Variants in PPP1R2 observed in about 807,000 individuals in gnomAD.
PPP1R2 encodes protein phosphatase 1 regulatory inhibitor subunit 2.
PPP1R2 carries 16 observed loss-of-function variants against 29.9 expected under a neutral mutation model. That is an observed-to-expected ratio of 0.53 (90% CI 0.36 to 0.81). PPP1R2 has a LOEUF of 0.81. PPP1R2 is among the 30% of genes least tolerant of loss of function. PPP1R2 has a pLI of 0.00. For missense variants in PPP1R2, 197 were observed against 252.7 expected (o/e 0.78, Z 1.49); for synonymous variants, 76 against 91.5 (o/e 0.83, Z 0.96).
intron 2 of PPP1R2, chr3:195,529,445 GACTGAGT>G (rs1363094415): frequency 5.8e-6 from 1 of 171,936 alleles, no homozygotes; most frequent in Non-Finnish European, 1.2e-5. Flanking sequence ...TCTGCAAAGA[GACTGAGT>G]AAACCCCAGA....
At chr3:195,530,436 T>A (rs1312588167) in intron 1 of PPP1R2, among the ~76,000 whole-genome samples, 2 of 152,234 alleles carry the variant, frequency 1.3e-5, no homozygotes, top group East Asian at 3.8e-4. Flanking sequence ...CAGCTCTGTT[T>A]ATTTCTAATC....
chr3:195,543,280 G>A lies in PPP1R2; in HGVS notation c.-255C>T. On this transcript the variant is annotated 5_prime_UTR_variant, in exon 1 of 6. Transcript: ENST00000618156. ...GCACTTGACCCGCGGCTCGCGGAGA[G>A]ACGCCGGCCTAGAGCTCCAGCGCAG... 3 of 374,440 alleles carry A rather than the reference G, an allele frequency of 8.0e-6. No individual in the cohort carries two copies. The highest frequency in any genetic ancestry group is 1.4e-5 in the Non-Finnish European group (3 of 209,946). 23.2% of individuals were successfully genotyped at this position (374,440 alleles called of 1,614,324 possible).
chr3:195,534,769 C>T (rs1719313873), intron 1 of PPP1R2, among the ~76,000 whole-genome samples: 1 of 152,206 alleles, frequency 6.6e-6, no homozygotes, highest in Non-Finnish European at 1.5e-5. Flanking sequence ...TCATAGCTCA[C>T]TGCAGCCTCG....
At position 195,515,458 on chromosome 3, in the gene PPP1R2, A is replaced by G. The variant is rs1311745819; in HGVS notation, c.*1438T>C. The stretch of plus-strand genomic sequence containing the variant: ...GACGTTATTTTAGAAGTCTGTTCAT[A>G]TAACAGATTATTTTGGTACTAACAA... On this transcript the variant is annotated 3_prime_UTR_variant, in exon 6 of 6. Transcript: ENST00000618156. 6.6e-6 allele frequency: 1 copy of G among 152,624 alleles called. No homozygotes were observed. Among genetic ancestry groups the G allele is most frequent in the Admixed American group, 6.5e-5 (1 of 15,272 alleles). The allele number at this position is 152,624 out of a possible 1,614,324, so 9.5% of individuals were successfully genotyped here.
rs73890862 is a variant in PPP1R2, at chr3:195,541,315, C to T, written c.122+1589G>A. Among the ~76,000 whole-genome samples, 378 of 152,180 alleles carry T rather than the reference C, an allele frequency of 2.5e-3. 2 individuals are homozygous for T. The highest frequency in any genetic ancestry group is 8.9e-3 in the African/African-American group (368 of 41,490). ...AGAGTAACTCACTTGGTAAATGGAC[C>T]AAAAGAAACTCACACTGGAGAACAG... On this transcript the variant is annotated intron_variant, in intron 1 of 5. Transcript: ENST00000618156.
chr3:195,519,909 C>T (rs1273286015), intron 4 of PPP1R2, among the ~76,000 whole-genome samples: 3 of 86,584 alleles, frequency 3.5e-5, no homozygotes, highest in African/African-American at 1.5e-4. Flanking sequence ...TTCCTTAGAT[C>T]AGAAAATTAA....
chr3:195,529,823 T>C lies in PPP1R2; in HGVS notation c.201A>G (p.Lys67=), dbSNP rs1398455801. The C allele has an allele frequency of 3.7e-6, 6 of 1,608,592 alleles. No individual in the cohort carries two copies. The highest frequency in any genetic ancestry group is 5.1e-6 in the Non-Finnish European group (6 of 1,178,394). The part of the protein sequence containing the change: ...HPADKDYGLM[K]IDEPSTPYHS... The stretch of plus-strand genomic sequence containing the variant: ...GGTAAGGAGTGCTTGGTTCATCTAT[T>C]TTCATTAAACCATAGTCTTTGTCTG... The change falls in exon 2 of 6, where the codon AAA becomes AAG. Residue 67 remains lysine (K), a synonymous_variant. Transcript: ENST00000618156.
At position 195,542,783 on chromosome 3, in the gene PPP1R2, GGAGAA is replaced by G. The variant is rs1212658322; in HGVS notation, c.122+116_122+120del. The G allele has an allele frequency of 7.6e-5, 94 of 1,239,300 alleles. No homozygotes were observed. In the East Asian group the frequency reaches 2.7e-3, roughly 36 times the overall value. The allele number at this position is 1,239,300 out of a possible 1,614,324, so 76.8% of individuals were successfully genotyped here. On this transcript the variant is annotated intron_variant, in intron 1 of 5. Transcript: ENST00000618156. ...GCTCCCACCCGCGGCTAGCCGGGCA[GGAGAA>G]GAGACTCGAGCGGCACCCGAGCCGC...
chr3:195,531,976 G>A (rs1719196013), intron 1 of PPP1R2, among the ~76,000 whole-genome samples: 1 of 152,140 alleles, frequency 6.6e-6, no homozygotes, highest in African/African-American at 2.4e-5. Context: ...TTTGTGACTG[G>A]CGTATCTCAC....
chr3:195,523,843 G>T (rs553846340), intron 3 of PPP1R2, 57 bp from the exon 4 acceptor site: 8 of 1,398,932 alleles, frequency 5.7e-6, no homozygotes, highest in Admixed American at 5.4e-5. Flanking sequence ...TTATTTAAGC[G>T]CCTTATTCAA....
At chr3:195,529,643 C>G (rs1193906956) in intron 2 of PPP1R2, 151 bp downstream of exon 2, 1 of 540,802 alleles carries the variant, frequency 1.8e-6, no homozygotes, top group East Asian at 3.1e-5. Flanking sequence ...TAAACCATTA[C>G]TAAACAAATT....
chr3:195,527,320 G>A (rs1347502503), intron 2 of PPP1R2, among the ~76,000 whole-genome samples: 1 of 151,766 alleles, frequency 6.6e-6, no homozygotes, highest in African/African-American at 2.4e-5. Context: ...CGTGGTAGTG[G>A]GTGCCTGTAA....
chr3:195,521,400 CATA>C (rs1187159947), intron 4 of PPP1R2, among the ~76,000 whole-genome samples: 1 of 150,828 alleles, frequency 6.6e-6, no homozygotes, highest in Non-Finnish European at 1.5e-5. Flanking sequence ...AACATTCTGC[CATA>C]ATGATTTATG....
chr3:195,539,548 C>CA (rs1560446155), intron 1 of PPP1R2, among the ~76,000 whole-genome samples: 1 of 152,004 alleles, frequency 6.6e-6, no homozygotes, highest in African/African-American at 2.4e-5. Context: ...CCCATCTCTA[C>CA]AAAAAATACA....
At chr3:195,536,276 T>C (rs894266484) in intron 1 of PPP1R2, among the ~76,000 whole-genome samples, 5 of 114,416 alleles carry the variant, frequency 4.4e-5, no homozygotes, top group Admixed American at 1.2e-4. Flanking sequence ...CTGGGCAACA[T>C]AGCGAGACCC....
intron 1 of PPP1R2, 114 bp from the exon 2 acceptor site, chr3:195,530,015 T>C: frequency 1.5e-6 from 1 of 686,106 alleles, no homozygotes. Flanking sequence ...GGCCAACCTC[T>C]ATTTTCACAT....
At chr3:195,542,852 A>G in intron 1 of PPP1R2, 52 bp downstream of exon 1, 2 of 1,553,358 alleles carry the variant, frequency 1.3e-6, no homozygotes, top group South Asian at 2.4e-5. Flanking sequence ...CTGGGTAGGT[A>G]ACGGGCCCGG....
chr3:195,519,947 G>T (rs908910789), intron 4 of PPP1R2, among the ~76,000 whole-genome samples: 5 of 150,374 alleles, frequency 3.3e-5, no homozygotes, highest in Non-Finnish European at 7.4e-5. Flanking sequence ...AGAAAAGGGG[G>T]GGCCAATATA....
chr3:195,534,800 G>T (rs1719314683), intron 1 of PPP1R2, among the ~76,000 whole-genome samples: 1 of 152,196 alleles, frequency 6.6e-6, no homozygotes, highest in Non-Finnish European at 1.5e-5. Flanking sequence ...CTTAAGTGAT[G>T]TGACTGTGTC....
Sources: gnomAD v4.1 joint callset for allele counts (sites outside exome capture counted in the v4.1 genomes callset) on GRCh38, gnomAD v4.1.1 for gene constraint, MANE v1.5 for transcripts, NCBI Gene and HGNC (gene_info 2026-07-23, HGNC 2026-07-21) for gene names.